Variants in KLHL32 observed in about 807,000 individuals in gnomAD.
KLHL32 encodes kelch-like protein 32.
A neutral mutation model predicts 64.8 loss-of-function variants in KLHL32; 35 were observed. That is an observed-to-expected ratio of 0.54 (90% CI 0.41 to 0.72). The LOEUF is 0.72. Ranked by LOEUF, KLHL32 falls within the 30% of genes least tolerant of loss-of-function variation. The pLI is 0.00. For missense variants in KLHL32, 589 were observed against 768.5 expected, an observed-to-expected ratio of 0.77 and a Z score of 2.76; for synonymous variants, 259 against 281.0, an observed-to-expected ratio of 0.92 and a Z score of 0.78.
chr6:96,950,806 T>C (rs1772481189), intron 1 of KLHL32, among the ~76,000 whole-genome samples: 2 of 152,224 alleles, frequency 1.3e-5, no homozygotes, highest in Non-Finnish European at 2.9e-5. Context: ...ACATTGATAT[T>C]AGTAACAAGA....
intron 1 of KLHL32, among the ~76,000 whole-genome samples, chr6:96,959,680 A>G (rs992267158): frequency 3.3e-5 from 5 of 152,160 alleles, no homozygotes; most frequent in Non-Finnish European, 7.4e-5. Flanking sequence ...GGGGGACACA[A>G]TTCAGCTCAC....
chr6:97,015,679 G>A (rs10080968), intron 3 of KLHL32, among the ~76,000 whole-genome samples: 22,369 of 152,118 alleles, frequency 0.15, 3,127 homozygotes, highest in African/African-American at 0.34. Flanking sequence ...CTGGGGAGAC[G>A]TTCAAGCTGC....
intron 3 of KLHL32, among the ~76,000 whole-genome samples, chr6:97,002,005 A>G (rs539829658): frequency 2.7e-4 from 41 of 152,354 alleles, no homozygotes; most frequent in Non-Finnish European, 5.1e-4. Flanking sequence ...ACTCTACTGT[A>G]AAGAACTGGC....
At chr6:96,902,572 G>A in the KLHL32 span, among the ~76,000 whole-genome samples, 1 of 152,068 alleles carries the variant, frequency 6.6e-6, no homozygotes, top group East Asian at 1.9e-4. Context: ...TTTCTTTTTT[G>A]TGCAGAGCTC....
At chr6:97,014,832 A>T (rs377553815) in intron 3 of KLHL32, among the ~76,000 whole-genome samples, 1 of 152,210 alleles carries the variant, frequency 6.6e-6, no homozygotes, top group East Asian at 1.9e-4. Flanking sequence ...ACTCTGCTGA[A>T]TAGCTTAGTA....
At chr6:96,999,293 G>T (rs1269325634) in intron 3 of KLHL32, among the ~76,000 whole-genome samples, 1 of 152,132 alleles carries the variant, frequency 6.6e-6, no homozygotes, top group Non-Finnish European at 1.5e-5. Context: ...CTCCTTGGGA[G>T]GCTAAGGTGG....
chr6:96,991,678 T>G (rs1217522840), intron 3 of KLHL32, among the ~76,000 whole-genome samples: 2 of 152,062 alleles, frequency 1.3e-5, no homozygotes, highest in Admixed American at 6.5e-5. Context: ...GCCTGATCAC[T>G]GCGTTCCTTC....
At chr6:97,046,182 G>A (rs182715616) in intron 4 of KLHL32, among the ~76,000 whole-genome samples, 81 of 152,256 alleles carry the variant, frequency 5.3e-4, no homozygotes, top group Non-Finnish European at 2.9e-5. Flanking sequence ...GAAAAAGCCA[G>A]GGGACAGCAC....
At chr6:97,022,012 C>T (rs1236253375) in intron 3 of KLHL32, among the ~76,000 whole-genome samples, 2 of 150,834 alleles carry the variant, frequency 1.3e-5, no homozygotes, top group Non-Finnish European at 2.9e-5. Flanking sequence ...TCTAGTACTA[C>T]CACCCTGGTC....
chr6:97,056,207 G>A (rs546966679), intron 4 of KLHL32, among the ~76,000 whole-genome samples: 5 of 145,878 alleles, frequency 3.4e-5, no homozygotes, highest in Admixed American at 1.4e-4. Flanking sequence ...CCGGGTTCAC[G>A]CCATTCTCCT....
intron 3 of KLHL32, among the ~76,000 whole-genome samples, chr6:97,022,963 G>A (rs1029927152): frequency 2.0e-5 from 3 of 152,168 alleles, no homozygotes; most frequent in African/African-American, 7.2e-5. Context: ...TCACAAGGTG[G>A]TAGGAGCGAG....
intron 6 of KLHL32, among the ~76,000 whole-genome samples, chr6:97,111,041 G>T (rs1193009617): frequency 1.3e-5 from 2 of 151,930 alleles, no homozygotes; most frequent in East Asian, 1.9e-4. Flanking sequence ...GGGGGGGGGG[G>T]GTCTTAGCCA....
chr6:97,104,783 T>C (rs1796184950), intron 6 of KLHL32, among the ~76,000 whole-genome samples: 1 of 152,230 alleles, frequency 6.6e-6, no homozygotes, highest in Non-Finnish European at 1.5e-5. Context: ...CATGGTAACA[T>C]TTTCATTGTT....
intron 1 of KLHL32, among the ~76,000 whole-genome samples, chr6:96,959,089 A>G (rs114723279): frequency 8.7e-4 from 132 of 152,314 alleles, no homozygotes; most frequent in African/African-American, 3.1e-3. Flanking sequence ...GGTGGGGTTT[A>G]GCACCTAGAG....
At chr6:97,001,161 C>G (rs1778978627) in intron 3 of KLHL32, among the ~76,000 whole-genome samples, 2 of 152,102 alleles carry the variant, frequency 1.3e-5, no homozygotes, top group Non-Finnish European at 2.9e-5. Flanking sequence ...GGAGTGAACC[C>G]TAACGTAAAC....
At chr6:97,008,665 G>A (rs1779974773) in intron 3 of KLHL32, among the ~76,000 whole-genome samples, 1 of 152,042 alleles carries the variant, frequency 6.6e-6, no homozygotes, top group Non-Finnish European at 1.5e-5. Context: ...GTGAGAGCAG[G>A]CCATACCTTG....
chr6:97,121,863 A>G (rs1798404554), intron 7 of KLHL32, among the ~76,000 whole-genome samples: 1 of 152,224 alleles, frequency 6.6e-6, no homozygotes, highest in Non-Finnish European at 1.5e-5. Flanking sequence ...AGAAATAGGG[A>G]ATGGCTGAAG....
At chr6:97,020,360 A>G (rs1781823844) in intron 3 of KLHL32, among the ~76,000 whole-genome samples, 1 of 151,160 alleles carries the variant, frequency 6.6e-6, no homozygotes, top group Non-Finnish European at 1.5e-5. Context: ...GATGAAAATA[A>G]TGATTACCAG....
intron 8 of KLHL32, among the ~76,000 whole-genome samples, chr6:97,129,602 C>G (rs1799223358): frequency 6.6e-6 from 1 of 152,138 alleles, no homozygotes; most frequent in Non-Finnish European, 1.5e-5. Context: ...AGTCTTCCAG[C>G]AGGGTGCGGT....
Sources: allele counts gnomAD v4.1 joint callset (sites outside exome capture counted in the v4.1 genomes callset), GRCh38; gene constraint gnomAD v4.1.1; transcripts MANE v1.5; gene names NCBI Gene and HGNC (gene_info 2026-07-23, HGNC 2026-07-21).